The following EFCAB5 variants were observed in gnomAD, a reference collection of about 807,000 sequenced individuals.
EFCAB5 encodes EF-hand calcium binding domain 5, also known as EF-hand calcium-binding domain-containing protein 5.
A neutral mutation model predicts 167.9 loss-of-function variants in EFCAB5; 131 were observed. That is an observed-to-expected ratio of 0.78 (90% CI 0.68 to 0.90). The LOEUF (loss-of-function observed/expected upper bound fraction) is 0.90. EFCAB5 is among the 40% of genes least tolerant of loss of function. The pLI, the probability that EFCAB5 is intolerant of heterozygous loss-of-function variation, is 0.00. For missense variants in EFCAB5, 1,663 were observed against 1,745.2 expected (o/e 0.95, Z 0.84); for synonymous variants, 574 against 602.8 (o/e 0.95, Z 0.70).
chr17:30,011,821 CAA>C (rs2068909591), intron 7 of EFCAB5, among the ~76,000 whole-genome samples: 1 of 152,018 alleles, frequency 6.6e-6, no homozygotes, highest in Non-Finnish European at 1.5e-5. Flanking sequence ...GGTGCCAAGG[CAA>C]GAGACCGAGG....
rs751467495 is a variant in EFCAB5 at position 30,057,785 on chromosome 17, A to G, written c.2475A>G (p.Thr825=). The G allele has an allele frequency of 1.9e-6, 3 of 1,613,748 alleles. No individual in the cohort carries two copies. Among genetic ancestry groups the G allele is most frequent in the Non-Finnish European group, 8.5e-7 (1 of 1,179,818 alleles). ...TCCAGTTTGTGCAACTCCTGGAGAC[A>G]TTTGTTGGTGAAGACGCTCCCTTGA... is the stretch of plus-strand genomic sequence containing the variant. The part of the protein sequence containing the change: ...NLLQFVQLLE[T]FVGEDAPLSV... The change falls in exon 13 of 23, where the codon ACA becomes ACG. Residue 825 remains threonine (T), a synonymous_variant. Transcript: ENST00000394835.
intron 22 of EFCAB5, among the ~76,000 whole-genome samples, chr17:30,103,741 G>A (rs777467551): frequency 1.3e-5 from 2 of 152,160 alleles, no homozygotes; most frequent in African/African-American, 2.4e-5. Flanking sequence ...ATGACCGGGC[G>A]CAGTGGCTCA....
intron 3 of EFCAB5, among the ~76,000 whole-genome samples, chr17:29,956,224 C>T (rs140156871): frequency 1.8e-3 from 271 of 152,192 alleles, no homozygotes; most frequent in African/African-American, 5.6e-3. Context: ...TAATATACTA[C>T]GTAGCAATGA....
intron 14 of EFCAB5, among the ~76,000 whole-genome samples, chr17:30,070,949 C>CAAAA (rs35019863): frequency 1.7e-5 from 1 of 60,186 alleles, no homozygotes; most frequent in Admixed American, 2.5e-4. Flanking sequence ...GATTCCATCT[C>CAAAA]AAAAAAAAAA....
rs138059929 is a variant in EFCAB5 at position 30,000,776 on chromosome 17, G to A, written c.1044+800G>A. On this transcript the variant is annotated intron_variant, in intron 7 of 22. Coordinates refer to ENST00000394835, the MANE Select transcript of EFCAB5 (RefSeq NM_198529.4). ...ATTTGGCAAATTCTACCTCAGTTATGTTCTAACTGTGTTTTCTTAGATTCT... is the reference window on the plus strand; with the variant it reads ...ATTTGGCAAATTCTACCTCAGTTATATTCTAACTGTGTTTTCTTAGATTCT... Among the ~76,000 whole-genome samples the A allele has an allele frequency of 2.0e-4, 31 of 152,216 alleles. No homozygotes were observed. The East Asian group carries it at 5.2e-3, about 26-fold the overall frequency.
chr17:30,006,948 C>A (rs939766347), intron 7 of EFCAB5, among the ~76,000 whole-genome samples: 4 of 152,144 alleles, frequency 2.6e-5, no homozygotes, highest in Non-Finnish European at 5.9e-5. Flanking sequence ...TGAGCCACTG[C>A]GCCCAGCTGA....
Position 29,978,791 on chromosome 17 carries a change from A to G in EFCAB5, c.767+9424A>G, listed in dbSNP as rs1444056517. On this transcript the variant is annotated intron_variant, in intron 4 of 22. Transcript: ENST00000394835. Reference sequence around the variant, plus strand: ...TAATTCCATTGATTCATTTAAAAGTATCCAGTGACAGCCTCAAAAGAAGAT... The same window carrying G: ...TAATTCCATTGATTCATTTAAAAGTGTCCAGTGACAGCCTCAAAAGAAGAT... Among the ~76,000 whole-genome samples, 5 of 152,252 alleles carry G rather than the reference A, an allele frequency of 3.3e-5. No homozygotes were observed. The East Asian group carries it at 9.6e-4, about 29-fold the overall frequency.
At chr17:30,036,766 C>T (rs1192095932) in intron 8 of EFCAB5, among the ~76,000 whole-genome samples, 1 of 152,082 alleles carries the variant, frequency 6.6e-6, no homozygotes. Context: ...GACAAAAGTT[C>T]TAAAAGCCCA....
In EFCAB5 at chr17:29,987,739, G is replaced by C. The variant is rs1210283975; in HGVS notation, c.768-5426G>C. 5.3e-5 allele frequency among the ~76,000 whole-genome samples: 8 copies of C among 152,274 alleles called. No homozygotes were observed. In the East Asian group the frequency reaches 1.2e-3, roughly 22 times the overall value. On this transcript the variant is annotated intron_variant, in intron 4 of 22. Transcript: ENST00000394835. ...TAATGTGTTTAATATTCCATATAGA[G>C]AAAAATGTAACTAGAGCTTGTCTAG...
chr17:30,069,246 T>G, intron 14 of EFCAB5: 1 of 1,536,942 alleles, frequency 6.5e-7, no homozygotes, highest in Non-Finnish European at 9.0e-7. Flanking sequence ...CCAGAAAAGA[T>G]TTTGACTGAA....
At chr17:30,034,120 G>A in intron 7 of EFCAB5, 110 bp from the exon 8 acceptor site, 1 of 1,310,858 alleles carries the variant, frequency 7.6e-7, no homozygotes, top group Non-Finnish European at 1.0e-6. Flanking sequence ...AAATCATATG[G>A]AAACATTTTA....
chr17:30,048,788 T>G (rs533690449), intron 8 of EFCAB5, among the ~76,000 whole-genome samples: 6 of 152,274 alleles, frequency 3.9e-5, no homozygotes, highest in Admixed American at 2.0e-4. Context: ...GCGCCCAGCC[T>G]ACATCTTGAA....
chr17:29,958,325 A>C (rs141221186), intron 3 of EFCAB5, among the ~76,000 whole-genome samples: 3 of 152,170 alleles, frequency 2.0e-5, no homozygotes, highest in Non-Finnish European at 2.9e-5. Flanking sequence ...AGTCATGCTT[A>C]GTTCTTTTTT....
In EFCAB5 at chr17:30,101,805, G is replaced by A. The variant is rs73987687; in HGVS notation, c.4322-6029G>A. 8.4e-3 allele frequency among the ~76,000 whole-genome samples: 1,276 copies of A among 152,226 alleles called. 21 individuals are homozygous for A. Among genetic ancestry groups the A allele is most frequent in the African/African-American group, 0.029 (1,217 of 41,522 alleles). On this transcript the variant is annotated intron_variant, in intron 22 of 22. Transcript: ENST00000394835. ...AGATAACAGCAGGTTTCATTCTGAT[G>A]GGAAATCCTGTAGAAAGCAAGAAGT...
chr17:29,933,100 T>G (rs537041711), intron 1 of EFCAB5, among the ~76,000 whole-genome samples: 1 of 152,340 alleles, frequency 6.6e-6, no homozygotes, highest in South Asian at 2.1e-4. Context: ...ATCTACCTCT[T>G]AGGGGCTCAA....
At chr17:29,989,086 C>T (rs1191528908) in intron 4 of EFCAB5, among the ~76,000 whole-genome samples, 1 of 152,120 alleles carries the variant, frequency 6.6e-6, no homozygotes, top group Non-Finnish European at 1.5e-5. Context: ...AGGTCGTATC[C>T]AATTAATGTC....
rs551986239 is a variant in EFCAB5, at chr17:30,013,030, C to T, written c.1044+13054C>T. Among the ~76,000 whole-genome samples the T allele has an allele frequency of 1.4e-4, 21 of 152,220 alleles. No individual in the cohort carries two copies. In the East Asian group the frequency reaches 1.7e-3, roughly 13 times the overall value. On this transcript the variant is annotated intron_variant, in intron 7 of 22. Coordinates refer to ENST00000394835, the MANE Select transcript of EFCAB5 (RefSeq NM_198529.4). ...TAGCACAAAGGCTGTTGAATTTTGT[C>T]GAAGGCCTTCTCTGCATCTATTGAC... is the stretch of plus-strand genomic sequence containing the variant.
intron 14 of EFCAB5, among the ~76,000 whole-genome samples, chr17:30,067,460 T>A (rs890948731): frequency 7.9e-5 from 12 of 151,720 alleles, no homozygotes; most frequent in Admixed American, 2.6e-4. Context: ...ATTTAAAAAA[T>A]AATAATAATA....
intron 5 of EFCAB5, among the ~76,000 whole-genome samples, chr17:29,994,146 A>ATATATG (rs1555554289): frequency 1.9e-5 from 2 of 103,298 alleles, no homozygotes; most frequent in Non-Finnish European, 3.9e-5. Context: ...ATATATATAT[A>ATATATG]TATATATATA....
Sources: allele counts gnomAD v4.1 joint callset (sites outside exome capture counted in the v4.1 genomes callset), GRCh38; gene constraint gnomAD v4.1.1; transcripts MANE v1.5; gene names NCBI Gene and HGNC (gene_info 2026-07-23, HGNC 2026-07-21).